SLC25A48: variants seen among roughly 807,000 people sequenced by gnomAD.
SLC25A48 encodes the protein CTC-321K16.1.
SLC25A48 carries 29 observed loss-of-function variants against 32.2 expected under a neutral mutation model. That is an observed-to-expected ratio of 0.90 (90% CI 0.67 to 1.23). The LOEUF (loss-of-function observed/expected upper bound fraction) is 1.23, where lower values mean the gene tolerates loss of function less well. SLC25A48 is among the 50% of genes most tolerant of loss of function. The probability of loss-of-function intolerance (pLI) is 0.00; values close to 1 mark genes in which losing one functional copy is unlikely to be tolerated. For synonymous variants in SLC25A48, 164 were observed against 172.3 expected (o/e 0.95, Z 0.38); for missense variants, 399 against 422.7 (o/e 0.94, Z 0.49).
chr5:135,725,622 T>C (rs938225127), intron 3 of SLC25A48, among the ~76,000 whole-genome samples: 2 of 152,224 alleles, frequency 1.3e-5, no homozygotes, highest in Non-Finnish European at 2.9e-5. Flanking sequence ...TTTGCCTCTA[T>C]AGTCATTACT....
At chr5:135,822,677 A>T (rs1757922664) in intron 4 of SLC25A48, among the ~76,000 whole-genome samples, 1 of 152,220 alleles carries the variant, frequency 6.6e-6, no homozygotes, top group Admixed American at 6.5e-5. Flanking sequence ...CCATTTCCAA[A>T]TAAGGTCATA....
Position 135,874,144 on chromosome 5 carries a change from A to C in SLC25A48, c.803A>C (p.Glu268Ala), listed in dbSNP as rs1366368594. 1.2e-5 allele frequency: 17 copies of C among 1,463,736 alleles called. No individual in the cohort carries two copies. Among genetic ancestry groups the C allele is most frequent in the African/African-American group, 1.4e-5 (1 of 69,430 alleles). The allele number at this position is 1,463,736 out of a possible 1,614,324, so 90.7% of individuals were successfully genotyped here. ...TGTATCTCCCAGAGTTACCAGAAGG[A>C]AGGTCTTAAAGTAAGCCCACAGCAG... ...LDCISQSYQK[E>A]GLKVFFRGIT... Residue 268 changes from glutamate to alanine, a missense_variant, in exon 6 of 8, where the codon GAA becomes GCA. By Grantham distance (107) the Glu-to-Ala change is moderately radical (BLOSUM62 -1). Coordinates refer to ENST00000681962, the MANE Select transcript of SLC25A48 (RefSeq NM_001349336.2).
intron 1 of SLC25A48, among the ~76,000 whole-genome samples, chr5:135,590,530 T>C (rs74379822): frequency 6.6e-6 from 1 of 151,340 alleles, no homozygotes; most frequent in Non-Finnish European, 1.5e-5. Context: ...TTTGTGTGGG[T>C]TTTTTTTTCC....
At chr5:135,723,276 C>G (rs1461642066) in intron 3 of SLC25A48, among the ~76,000 whole-genome samples, 1 of 152,120 alleles carries the variant, frequency 6.6e-6, no homozygotes, top group East Asian at 1.9e-4. Context: ...ACTATTCTTT[C>G]AGCTACTAGA....
intron 3 of SLC25A48, among the ~76,000 whole-genome samples, chr5:135,671,383 C>T (rs1307194164): frequency 7.9e-5 from 12 of 152,216 alleles, no homozygotes; most frequent in Non-Finnish European, 1.8e-4. Flanking sequence ...TGGTGTTAGC[C>T]TCTAGGTTTG....
At chr5:135,851,881 C>T (rs1217914193) in intron 3 of SLC25A48, among the ~76,000 whole-genome samples, 1 of 152,090 alleles carries the variant, frequency 6.6e-6, no homozygotes, top group African/African-American at 2.4e-5. Flanking sequence ...CAGCCTCCTG[C>T]AGCCTGTGTG....
At chr5:135,602,613 TC>T (rs1374512699) in intron 1 of SLC25A48, among the ~76,000 whole-genome samples, 2 of 147,292 alleles carry the variant, frequency 1.4e-5, no homozygotes, top group African/African-American at 2.6e-5. Context: ...TTTTTTTCTT[TC>T]TTTTTTTTTT....
At chr5:135,612,059 A>G (rs1348882513) in intron 1 of SLC25A48, among the ~76,000 whole-genome samples, 2 of 152,252 alleles carry the variant, frequency 1.3e-5, no homozygotes, top group African/African-American at 2.4e-5. Flanking sequence ...ATGTATCAAT[A>G]TTAGCCACTT....
At chr5:135,828,161 A>C (rs1758112763) in intron 4 of SLC25A48, among the ~76,000 whole-genome samples, 1 of 152,230 alleles carries the variant, frequency 6.6e-6, no homozygotes, top group South Asian at 2.1e-4. Flanking sequence ...GTTTGCAGGA[A>C]AGATTTGGTG....
chr5:135,808,527 C>A (rs1453965175), intron 3 of SLC25A48, among the ~76,000 whole-genome samples: 4 of 152,008 alleles, frequency 2.6e-5, no homozygotes, highest in Admixed American at 2.0e-4. Context: ...ATACCCAAAT[C>A]TTTTTCATCC....
In SLC25A48 at chr5:135,856,616, G is replaced by A. The variant is rs551888335; in HGVS notation, c.421+3795G>A. 2.0e-5 allele frequency among the ~76,000 whole-genome samples: 3 copies of A among 152,348 alleles called. No homozygotes were observed. In the South Asian group the frequency reaches 6.2e-4, roughly 32 times the overall value. ...AAGGCTCATGGCCACTGCAGCACGT[G>A]GGGAGACGCAGGAAAACAAATGGGG... On this transcript the variant is annotated intron_variant, in intron 4 of 7. Coordinates refer to ENST00000681962, the MANE Select transcript of SLC25A48 (RefSeq NM_001349336.2).
intron 1 of SLC25A48, among the ~76,000 whole-genome samples, chr5:135,583,859 AG>A (rs1751292427): frequency 6.6e-6 from 1 of 152,044 alleles, no homozygotes; most frequent in Non-Finnish European, 1.5e-5. Context: ...CAGCCTGTGG[AG>A]TCTGGGCAGC....
chr5:135,719,393 G>T (rs1408630612), intron 3 of SLC25A48, among the ~76,000 whole-genome samples: 1 of 152,142 alleles, frequency 6.6e-6, no homozygotes, highest in Non-Finnish European at 1.5e-5. Flanking sequence ...GTGGGCTGGG[G>T]ATGCTGAGCA....
chr5:135,788,127 T>C (rs886339573), intron 3 of SLC25A48, among the ~76,000 whole-genome samples: 3 of 151,272 alleles, frequency 2.0e-5, no homozygotes, highest in African/African-American at 7.3e-5. Flanking sequence ...TGGCGAGGGG[T>C]GTACATTCCC....
intron 3 of SLC25A48, among the ~76,000 whole-genome samples, chr5:135,661,139 A>G (rs1361141517): frequency 2.0e-5 from 3 of 152,172 alleles, no homozygotes; most frequent in Non-Finnish European, 4.4e-5. Flanking sequence ...TGCTTCCTAC[A>G]GGAAGAGGCA....
chr5:135,741,166 A>G (rs1755494767), intron 3 of SLC25A48, among the ~76,000 whole-genome samples: 1 of 152,168 alleles, frequency 6.6e-6, no homozygotes, highest in African/African-American at 2.4e-5. Flanking sequence ...GCCCAAGGTC[A>G]CAGCAGTGGT....
At chr5:135,676,931 G>C (rs1401122108) in intron 3 of SLC25A48, among the ~76,000 whole-genome samples, 1 of 142,694 alleles carries the variant, frequency 7.0e-6, no homozygotes, top group Admixed American at 7.1e-5. Flanking sequence ...GTACTCTGTA[G>C]CTGGTGGATG....
intron 3 of SLC25A48, among the ~76,000 whole-genome samples, chr5:135,713,495 G>A (rs182507367): frequency 7.6e-4 from 115 of 152,262 alleles, no homozygotes; most frequent in African/African-American, 2.6e-3. Context: ...ATGAATAAAC[G>A]TAGAACCTCC....
chr5:135,788,628 G>T (rs1756922061), intron 3 of SLC25A48, among the ~76,000 whole-genome samples: 1 of 151,610 alleles, frequency 6.6e-6, no homozygotes, highest in Non-Finnish European at 1.5e-5. Flanking sequence ...CAGGGAGAGG[G>T]TGATATTCCT....
Sources: allele counts gnomAD v4.1 joint callset (sites outside exome capture counted in the v4.1 genomes callset), GRCh38; gene constraint gnomAD v4.1.1; transcripts MANE v1.5; gene names NCBI Gene and HGNC (gene_info 2026-07-23, HGNC 2026-07-21).